Variants in GRID2 observed in about 807,000 individuals in gnomAD.
The protein encoded by GRID2 is glutamate receptor ionotropic, delta-2.
Under a neutral mutation model 114.8 loss-of-function variants are expected in GRID2, and 33 were observed. That is an observed-to-expected ratio of 0.29 (90% CI 0.22 to 0.38). The LOEUF (loss-of-function observed/expected upper bound fraction) is 0.38. Among genes scored for constraint, GRID2 ranks in the 10% least tolerant of loss-of-function variants. The probability of loss-of-function intolerance (pLI) is 1.00; values close to 1 mark genes in which losing one functional copy is unlikely to be tolerated. For synonymous variants in GRID2, 505 were observed against 449.9 expected, an observed-to-expected ratio of 1.12 and a Z score of -1.55; for missense variants, 1,184 against 1,257.7, an observed-to-expected ratio of 0.94 and a Z score of 0.89.
At chr4:92,951,156 G>T (rs1752003307) in intron 2 of GRID2, among the ~76,000 whole-genome samples, 1 of 151,894 alleles carries the variant, frequency 6.6e-6, no homozygotes, top group African/African-American at 2.4e-5. Context: ...AATGTTTTCT[G>T]ATGTTTTCAC....
At chr4:92,320,146 A>G (rs1726234653) in intron 1 of GRID2, among the ~76,000 whole-genome samples, 1 of 152,184 alleles carries the variant, frequency 6.6e-6, no homozygotes, top group South Asian at 2.1e-4. Context: ...TGATTTTGGC[A>G]TAACTGTGAA....
intron 2 of GRID2, among the ~76,000 whole-genome samples, chr4:93,054,104 A>G (rs1726986412): frequency 6.6e-6 from 1 of 151,902 alleles, no homozygotes; most frequent in South Asian, 2.1e-4. Flanking sequence ...ATAAATTTTT[A>G]TTAATGGCCT....
chr4:93,494,528 T>G (rs887779650), intron 12 of GRID2, among the ~76,000 whole-genome samples: 3 of 151,848 alleles, frequency 2.0e-5, no homozygotes, highest in African/African-American at 7.2e-5. Context: ...GGGCATCTAA[T>G]CTAACTGGCA....
chr4:93,725,392 A>G (rs894396015), intron 14 of GRID2, among the ~76,000 whole-genome samples: 24 of 152,320 alleles, frequency 1.6e-4, no homozygotes, highest in African/African-American at 5.8e-4. Flanking sequence ...CTTGTTGGAC[A>G]TTTGGGTTGG....
intron 2 of GRID2, among the ~76,000 whole-genome samples, chr4:92,691,607 CAT>C (rs1560535252): frequency 6.6e-6 from 1 of 152,224 alleles, no homozygotes; most frequent in Non-Finnish European, 1.5e-5. Context: ...GATACACTGA[CAT>C]ATTAAAGTAA....
intron 14 of GRID2, among the ~76,000 whole-genome samples, chr4:93,684,009 T>C (rs1185957973): frequency 6.6e-6 from 1 of 152,120 alleles, no homozygotes; most frequent in African/African-American, 2.4e-5. Context: ...CAATTGAAAT[T>C]CTATGGCTTG....
intron 8 of GRID2, among the ~76,000 whole-genome samples, chr4:93,371,741 CTTTTTTTT>C (rs1205096650): frequency 3.3e-5 from 3 of 89,796 alleles, no homozygotes; most frequent in African/African-American, 1.4e-4. Flanking sequence ...ATCACTATTT[CTTTTTTTT>C]TTTTTTTTTT....
intron 13 of GRID2, among the ~76,000 whole-genome samples, chr4:93,604,586 G>A (rs538217616): frequency 6.6e-6 from 1 of 152,300 alleles, no homozygotes; most frequent in Non-Finnish European, 1.5e-5. Flanking sequence ...GTTCTACTCT[G>A]GGTAAAATAC....
intron 8 of GRID2, among the ~76,000 whole-genome samples, chr4:93,244,156 G>A (rs1412686612): frequency 6.6e-6 from 1 of 151,948 alleles, no homozygotes; most frequent in Non-Finnish European, 1.5e-5. Flanking sequence ...TATTATTGCA[G>A]ACTGAATTCC....
chr4:93,013,902 A>G (rs557869559), intron 2 of GRID2, among the ~76,000 whole-genome samples: 9 of 152,140 alleles, frequency 5.9e-5, no homozygotes, highest in African/African-American at 1.9e-4. Flanking sequence ...TTAGGGAAAG[A>G]AGTGGAAGGG....
At chr4:92,945,151 T>C (rs1751529656) in intron 2 of GRID2, among the ~76,000 whole-genome samples, 1 of 152,218 alleles carries the variant, frequency 6.6e-6, no homozygotes, top group African/African-American at 2.4e-5. Flanking sequence ...ATTGCTTCTA[T>C]ACATCCTATT....
chr4:93,005,323 T>G (rs1430080003), intron 2 of GRID2, among the ~76,000 whole-genome samples: 1 of 152,122 alleles, frequency 6.6e-6, no homozygotes, highest in East Asian at 1.9e-4. Flanking sequence ...ACTCAATAAG[T>G]GCTGCTGGTG....
intron 1 of GRID2, among the ~76,000 whole-genome samples, chr4:92,315,437 A>G (rs1404075673): frequency 6.6e-6 from 1 of 152,210 alleles, no homozygotes; most frequent in Non-Finnish European, 1.5e-5. Flanking sequence ...TTGATGAAAT[A>G]CAGAACATTG....
intron 2 of GRID2, among the ~76,000 whole-genome samples, chr4:92,947,473 T>C (rs1042291341): frequency 4.6e-5 from 7 of 151,980 alleles, no homozygotes; most frequent in Non-Finnish European, 1.0e-4. Context: ...GTGCTACTTA[T>C]GGAAGAATAA....
intron 1 of GRID2, among the ~76,000 whole-genome samples, chr4:92,440,402 C>A (rs576442237): frequency 1.3e-5 from 2 of 150,936 alleles, no homozygotes; most frequent in African/African-American, 4.8e-5. Flanking sequence ...GGAAAGGCCT[C>A]TACCTATCCA....
At chr4:92,532,726 A>T (rs1262812196) in intron 1 of GRID2, among the ~76,000 whole-genome samples, 1 of 152,172 alleles carries the variant, frequency 6.6e-6, no homozygotes, top group Non-Finnish European at 1.5e-5. Flanking sequence ...TGTAAATGTA[A>T]TATGTTTATT....
rs534184493 is a variant in GRID2, at chr4:93,498,883, C to T, written c.1997+8106C>T. Among the ~76,000 whole-genome samples the T allele has an allele frequency of 3.4e-4, 51 of 151,706 alleles. 1 individual carries two copies. Among genetic ancestry groups the T allele is most frequent in the Middle Eastern group, 3.2e-3 (1 of 316 alleles). On this transcript the variant is annotated intron_variant, in intron 12 of 15. Coordinates refer to ENST00000282020, the MANE Select transcript of GRID2 (RefSeq NM_001510.4). The stretch of plus-strand genomic sequence containing the variant: ...TCTTGCTGGAAAAGCAGTCTTTGAC[C>T]GTTAGGTATGACATTATCTGTAAAG...
At chr4:93,394,125 G>T (rs1472435951) in intron 8 of GRID2, among the ~76,000 whole-genome samples, 1 of 151,936 alleles carries the variant, frequency 6.6e-6, no homozygotes, top group Non-Finnish European at 1.5e-5. Flanking sequence ...ATAGACTTTT[G>T]TTGACCTCAG....
chr4:93,498,663 T>C (rs549766039), intron 12 of GRID2, among the ~76,000 whole-genome samples: 6 of 152,010 alleles, frequency 3.9e-5, no homozygotes, highest in Admixed American at 3.9e-4. Context: ...TTATTAGTTT[T>C]AGGAGTTTTT....
Sources: allele counts gnomAD v4.1 joint callset (sites outside exome capture counted in the v4.1 genomes callset), GRCh38; gene constraint gnomAD v4.1.1; transcripts MANE v1.5; gene names NCBI Gene and HGNC (gene_info 2026-07-23, HGNC 2026-07-21).